Variants in MAML3 observed in about 807,000 individuals in gnomAD.
The protein encoded by MAML3 is mastermind-like protein 3.
A neutral mutation model predicts 101.9 loss-of-function variants in MAML3; 27 were observed. The observed-to-expected ratio is 0.27, with a 90% CI of 0.20 to 0.37. The LOEUF (loss-of-function observed/expected upper bound fraction) is 0.37, where lower values mean the gene tolerates loss of function less well. Ranked by LOEUF, MAML3 falls within the 10% of genes least tolerant of loss-of-function variation. MAML3 has a pLI of 1.00. For synonymous variants in MAML3, 501 were observed against 555.9 expected (o/e 0.90, Z 1.39); for missense variants, 1,316 against 1,444.9 (o/e 0.91, Z 1.45).
intron 1 of MAML3, among the ~76,000 whole-genome samples, chr4:140,065,859 G>A (rs1044340706): frequency 3.3e-5 from 5 of 152,148 alleles, no homozygotes; most frequent in African/African-American, 1.2e-4. Context: ...AAACAGGAAG[G>A]TCCATAAGGA....
At chr4:139,852,979 TA>T (rs1731586096) in intron 2 of MAML3, among the ~76,000 whole-genome samples, 1 of 152,214 alleles carries the variant, frequency 6.6e-6, no homozygotes, top group Non-Finnish European at 1.5e-5. Flanking sequence ...TGAAAAGAAG[TA>T]ATGTATGTGA....
intron 2 of MAML3, among the ~76,000 whole-genome samples, chr4:139,820,110 C>T (rs910744223): frequency 2.6e-5 from 4 of 152,154 alleles, no homozygotes; most frequent in Admixed American, 6.5e-5. Flanking sequence ...GTTGGCTGTG[C>T]AAATCTCTAA....
Position 139,865,485 on chromosome 4 carries a change from G to GTT in MAML3, c.2079+23870_2079+23871dup, listed in dbSNP as rs67288115. Among the ~76,000 whole-genome samples, 83 of 90,062 alleles carry GTT rather than the reference G, an allele frequency of 9.2e-4. 1 individual carries two copies. The highest frequency in any genetic ancestry group is 5.8e-3 in the African/African-American group (77 of 13,362). The allele number at this position is 90,062 out of a possible 152,430, so 59.1% of individuals were successfully genotyped here. On this transcript the variant is annotated intron_variant, in intron 2 of 4. Transcript: ENST00000509479. ...CAGAGCCCTTTGACCTCTGTAAAAG[G>GTT]TTTTTTTTTTGTTTTTTTTTTTTTT...
intron 1 of MAML3, among the ~76,000 whole-genome samples, chr4:139,980,278 G>T (rs1734421885): frequency 6.6e-6 from 1 of 152,086 alleles, no homozygotes; most frequent in Non-Finnish European, 1.5e-5. Context: ...TCCACTCTAA[G>T]AATCAGTTGT....
intron 2 of MAML3, among the ~76,000 whole-genome samples, chr4:139,782,993 C>G (rs1048312818): frequency 2.0e-5 from 3 of 152,056 alleles, no homozygotes; most frequent in African/African-American, 7.2e-5. Flanking sequence ...GTTTGGGAAC[C>G]TCAAAAAAGG....
At chr4:140,061,949 T>C (rs1010118976) in intron 1 of MAML3, among the ~76,000 whole-genome samples, 3 of 152,208 alleles carry the variant, frequency 2.0e-5, no homozygotes, top group Admixed American at 1.3e-4. Context: ...CTGAAGTCTT[T>C]TTGTCTAGAA....
At chr4:139,976,336 A>G (rs1451273664) in intron 1 of MAML3, among the ~76,000 whole-genome samples, 1 of 152,204 alleles carries the variant, frequency 6.6e-6, no homozygotes, top group African/African-American at 2.4e-5. Flanking sequence ...TTTTAACATC[A>G]GCCTTGGTGT....
At chr4:139,745,614 C>A (rs1729295276) in intron 2 of MAML3, among the ~76,000 whole-genome samples, 1 of 152,192 alleles carries the variant, frequency 6.6e-6, no homozygotes, top group African/African-American at 2.4e-5. Flanking sequence ...ACTCATTTCT[C>A]TTCTCTATTA....
At chr4:139,972,383 T>A (rs1734247823) in intron 1 of MAML3, among the ~76,000 whole-genome samples, 1 of 152,200 alleles carries the variant, frequency 6.6e-6, no homozygotes. Flanking sequence ...AAGTTCAACT[T>A]TGAAATGACC....
chr4:140,035,395 G>A (rs757569125), intron 1 of MAML3, among the ~76,000 whole-genome samples: 4 of 152,114 alleles, frequency 2.6e-5, no homozygotes, highest in African/African-American at 7.2e-5. Flanking sequence ...TTTCCTCCTT[G>A]TTTTATCCAA....
At chr4:140,001,869 A>G (rs1220984509) in intron 1 of MAML3, among the ~76,000 whole-genome samples, 1 of 152,242 alleles carries the variant, frequency 6.6e-6, no homozygotes, top group Non-Finnish European at 1.5e-5. Context: ...CACAGAGACT[A>G]CTATGCTTTT....
intron 1 of MAML3, among the ~76,000 whole-genome samples, chr4:139,909,987 T>C (rs975243779): frequency 2.7e-5 from 4 of 148,496 alleles, no homozygotes; most frequent in African/African-American, 7.5e-5. Context: ...ATGAGAGGAG[T>C]CAGCAAAGAG....
At chr4:139,852,403 GTTTTTTTTTTTTTTTT>G (rs67349785) in intron 2 of MAML3, among the ~76,000 whole-genome samples, 1 of 68,326 alleles carries the variant, frequency 1.5e-5, no homozygotes, top group Admixed American at 1.7e-4. Context: ...TCAGAAGACT[GTTTTTTTTTTTTTTTT>G]TTTTTTTTTT....
intron 1 of MAML3, among the ~76,000 whole-genome samples, chr4:140,152,151 G>A (rs964527144): frequency 4.6e-5 from 7 of 152,068 alleles, no homozygotes; most frequent in Non-Finnish European, 1.0e-4. Context: ...CTAGCCCCGA[G>A]TCGCGAGCAA....
At chr4:139,834,944 G>A (rs767500624) in intron 2 of MAML3, among the ~76,000 whole-genome samples, 1 of 152,090 alleles carries the variant, frequency 6.6e-6, no homozygotes, top group Non-Finnish European at 1.5e-5. Flanking sequence ...CACTGCAAAG[G>A]GAAAAGTAAT....
chr4:139,991,341 C>T (rs1269373143), intron 1 of MAML3, among the ~76,000 whole-genome samples: 1 of 152,116 alleles, frequency 6.6e-6, no homozygotes, highest in African/African-American at 2.4e-5. Flanking sequence ...GGAAAACAGG[C>T]TAGCCATATG....
intron 1 of MAML3, among the ~76,000 whole-genome samples, chr4:140,060,791 T>C (rs1204988000): frequency 6.6e-6 from 1 of 152,192 alleles, no homozygotes; most frequent in African/African-American, 2.4e-5. Context: ...TTGTTATTCA[T>C]ATAAAAGTAA....
chr4:139,919,935 A>C, intron 1 of MAML3, among the ~76,000 whole-genome samples: 1 of 152,210 alleles, frequency 6.6e-6, no homozygotes, highest in Admixed American at 6.5e-5. Context: ...AATAGATTTT[A>C]ATACACATCA....
At chr4:140,068,397 G>A (rs898361167) in intron 1 of MAML3, among the ~76,000 whole-genome samples, 2 of 152,166 alleles carry the variant, frequency 1.3e-5, no homozygotes, top group African/African-American at 2.4e-5. Context: ...CTAACTTGAA[G>A]GCACTCACAA....
Sources: gnomAD v4.1 joint callset for allele counts (sites outside exome capture counted in the v4.1 genomes callset) on GRCh38, gnomAD v4.1.1 for gene constraint, MANE v1.5 for transcripts, NCBI Gene and HGNC (gene_info 2026-07-23, HGNC 2026-07-21) for gene names.